Variants in PPTC7 observed in about 807,000 individuals in gnomAD.
The protein encoded by PPTC7 is protein phosphatase PTC7 homolog.
Under a neutral mutation model 30.8 loss-of-function variants are expected in PPTC7, and 6 were observed. The observed-to-expected ratio is 0.19, with a 90% confidence interval of 0.11 to 0.38. The LOEUF is 0.38. Among genes scored for constraint, PPTC7 ranks in the 10% least tolerant of loss-of-function variants. The pLI is 1.00. For missense variants in PPTC7, 218 were observed against 404.8 expected (o/e 0.54, Z 3.96); for synonymous variants, 163 against 168.1 (o/e 0.97, Z 0.23).
At position 110,560,665 on chromosome 12, in the gene PPTC7, TCTAGAAGAACGCGATGC is replaced by T. The variant is rs561930193; in HGVS notation, c.224-8714_224-8698del. ...GCAGTTACCTACAAAGCAAACGTTT[TCTAGAAGAACGCGATGC>T]CTAGAGAATAAATACTAAACTTCAA... On this transcript the variant is annotated intron_variant, in intron 1 of 5. Transcript: ENST00000354300. 3.9e-5 allele frequency among the ~76,000 whole-genome samples: 6 copies of T among 152,300 alleles called. No homozygotes were observed. The South Asian group carries it at 1.2e-3, about 32-fold the overall frequency.
At chr12:110,556,095 C>T (rs951791049) in intron 1 of PPTC7, among the ~76,000 whole-genome samples, 5 of 152,190 alleles carry the variant, frequency 3.3e-5, no homozygotes, top group African/African-American at 7.2e-5. Context: ...AGTTGATCCT[C>T]GATCCTCGCA....
intron 3 of PPTC7, among the ~76,000 whole-genome samples, chr12:110,545,571 C>T (rs1187860256): frequency 3.3e-5 from 5 of 152,174 alleles, no homozygotes; most frequent in Non-Finnish European, 5.9e-5. Context: ...CTCATTTCTC[C>T]AGCACAATTT....
chr12:110,569,154 G>A (rs1168693075), intron 1 of PPTC7, among the ~76,000 whole-genome samples: 1 of 151,784 alleles, frequency 6.6e-6, no homozygotes, highest in Non-Finnish European at 1.5e-5. Context: ...CCAACATGGT[G>A]AAACCCCATC....
At chr12:110,541,280 G>A (rs183442865) in intron 3 of PPTC7, among the ~76,000 whole-genome samples, 8 of 151,990 alleles carry the variant, frequency 5.3e-5, no homozygotes, top group Admixed American at 5.2e-4. Flanking sequence ...TATTCAGGAG[G>A]CTGAGGCAGG....
chr12:110,562,336 A>G (rs2135782723), intron 1 of PPTC7, among the ~76,000 whole-genome samples: 1 of 150,722 alleles, frequency 6.6e-6, no homozygotes, highest in Non-Finnish European at 1.5e-5. Flanking sequence ...AATGAAAAGC[A>G]GGATGACTGA....
chr12:110,579,291 G>A (rs1305149616), intron 1 of PPTC7, among the ~76,000 whole-genome samples: 1 of 152,178 alleles, frequency 6.6e-6, no homozygotes, highest in African/African-American at 2.4e-5. Context: ...CCGTCCGGAA[G>A]AGCTCCTCCA....
chr12:110,557,437 G>A (rs115928152), intron 1 of PPTC7, among the ~76,000 whole-genome samples: 2,759 of 151,782 alleles, frequency 0.018, 100 homozygotes, highest in African/African-American at 0.063. Flanking sequence ...GATACACCCC[G>A]CTACTTTTTT....
intron 2 of PPTC7, among the ~76,000 whole-genome samples, chr12:110,550,380 A>T (rs751800513): frequency 4.0e-5 from 6 of 151,790 alleles, no homozygotes; most frequent in Non-Finnish European, 7.4e-5. Context: ...ACAGGTGCCC[A>T]CCACCACACC....
intron 1 of PPTC7, among the ~76,000 whole-genome samples, chr12:110,570,184 C>A (rs2064521861): frequency 6.7e-6 from 1 of 148,720 alleles, no homozygotes; most frequent in Admixed American, 6.7e-5. Flanking sequence ...ACCCCATGCT[C>A]TCTGAAACGT....
At chr12:110,538,048 G>T in intron 5 of PPTC7, 96 bp downstream of exon 5, 1 of 1,345,520 alleles carries the variant, frequency 7.4e-7, no homozygotes, top group Non-Finnish European at 1.0e-6. Flanking sequence ...GGCTGGGAGA[G>T]GACACCTCCA....
chr12:110,580,073 G>A (rs2064624428), intron 1 of PPTC7, among the ~76,000 whole-genome samples: 1 of 151,870 alleles, frequency 6.6e-6, no homozygotes, highest in African/African-American at 2.4e-5. Flanking sequence ...TGATATGATG[G>A]TCAGAAGCTG....
At chr12:110,553,322 AT>A (rs1018188032) in intron 1 of PPTC7, among the ~76,000 whole-genome samples, 19 of 151,438 alleles carry the variant, frequency 1.3e-4, no homozygotes, top group African/African-American at 4.6e-4. Context: ...GCTTTTTTGT[AT>A]TTTTAGTAGA....
At chr12:110,552,519 T>G (rs1254101975) in intron 1 of PPTC7, among the ~76,000 whole-genome samples, 1 of 152,202 alleles carries the variant, frequency 6.6e-6, no homozygotes, top group East Asian at 1.9e-4. Flanking sequence ...CTTACATGGT[T>G]ACTGAGCACC....
At chr12:110,574,141 T>TAAAAAAAA (rs58133391) in intron 1 of PPTC7, among the ~76,000 whole-genome samples, 160 of 37,454 alleles carry the variant, frequency 4.3e-3, no homozygotes, top group Non-Finnish European at 5.3e-3. Context: ...CCACAATAAT[T>TAAAAAAAA]AAAAAAAAAA....
intron 1 of PPTC7, among the ~76,000 whole-genome samples, chr12:110,572,280 C>T (rs1054933708): frequency 6.6e-6 from 1 of 152,028 alleles, no homozygotes; most frequent in African/African-American, 2.4e-5. Context: ...CCCATCTCTA[C>T]TAAAAATACA....
In PPTC7 at chr12:110,573,664, A is replaced by T. The variant is rs142268548; in HGVS notation, c.223+9145T>A. ...TTTCTGAAGATGTGTTACTTTTATA[A>T]GCACTAAACATCCATTTATTTAAAA... On this transcript the variant is annotated intron_variant, in intron 1 of 5. Coordinates refer to ENST00000354300, the MANE Select transcript of PPTC7 (RefSeq NM_139283.2). 2.6e-3 allele frequency among the ~76,000 whole-genome samples: 392 copies of T among 152,294 alleles called. 2 individuals are homozygous for T. Among genetic ancestry groups the T allele is most frequent in the African/African-American group, 8.6e-3 (358 of 41,558 alleles).
chr12:110,570,980 G>T (rs963906095), intron 1 of PPTC7, among the ~76,000 whole-genome samples: 2 of 152,252 alleles, frequency 1.3e-5, no homozygotes, highest in Admixed American at 1.3e-4. Context: ...ACACCCACAG[G>T]TGTGTAGGGG....
intron 1 of PPTC7, among the ~76,000 whole-genome samples, chr12:110,566,823 A>G (rs367844533): frequency 7.4e-4 from 113 of 152,340 alleles, no homozygotes; most frequent in African/African-American, 2.6e-3. Flanking sequence ...ATATTCCATT[A>G]AACATTCAAT....
intron 1 of PPTC7, among the ~76,000 whole-genome samples, chr12:110,575,084 C>T (rs1389128902): frequency 6.6e-6 from 1 of 151,796 alleles, no homozygotes; most frequent in African/African-American, 2.4e-5. Context: ...ACCCACCGTG[C>T]CCGGCCCCTA....
Sources: gnomAD v4.1 joint callset for allele counts (sites outside exome capture counted in the v4.1 genomes callset) on GRCh38, gnomAD v4.1.1 for gene constraint, MANE v1.5 for transcripts, NCBI Gene and HGNC (gene_info 2026-07-23, HGNC 2026-07-21) for gene names.